CLASP1: variants seen among roughly 807,000 people sequenced by gnomAD.
CLASP1 encodes CLIP-associating protein 1.
A neutral mutation model predicts 192.3 loss-of-function variants in CLASP1; 38 were observed. The observed-to-expected ratio is 0.20, with a 90% CI of 0.15 to 0.26. The LOEUF is 0.26. CLASP1 is among the 10% of genes least tolerant of loss of function. CLASP1 has a pLI of 1.00. For synonymous variants in CLASP1, 691 were observed against 712.8 expected, an observed-to-expected ratio of 0.97 and a Z score of 0.49; for missense variants, 1,433 against 1,932.5, an observed-to-expected ratio of 0.74 and a Z score of 4.85.
chr2:121,492,272 C>A (rs1575430449), intron 8 of CLASP1, among the ~76,000 whole-genome samples: 1 of 151,350 alleles, frequency 6.6e-6, no homozygotes, highest in Non-Finnish European at 1.5e-5. Flanking sequence ...ACCTGTAGTC[C>A]CAGCTACCCG....
exon 40 of CLASP1, chr2:121,339,131 C>CCCCACACACACA (rs1553443052): frequency 1.4e-5 from 2 of 143,514 alleles, no homozygotes; most frequent in African/African-American, 5.2e-5. Context: ...ACACACAACA[C>CCCCACACACACA]CACACACACA....
At chr2:121,404,480 T>C in intron 25 of CLASP1, 46 bp from the exon 27 acceptor site, 1 of 1,519,036 alleles carries the variant, frequency 6.6e-7, no homozygotes, top group Non-Finnish European at 9.0e-7. Context: ...ACTTTTATTA[T>C]TTTTGAGACA....
At position 121,412,584 on chromosome 2, in the gene CLASP1, G is replaced by A. The variant is rs575287558; in HGVS notation, c.2321-1615C>T. Among the ~76,000 whole-genome samples, 330 of 150,282 alleles carry A rather than the reference G, an allele frequency of 2.2e-3. 1 individual carries two copies. The highest frequency in any genetic ancestry group is 6.7e-3 in the African/African-American group (273 of 40,848). On this transcript the variant is annotated intron_variant, in intron 23 of 39. Coordinates refer to ENST00000263710, the Ensembl canonical transcript of CLASP1. ...TACCCAGCATAAACTTAAATAAAAC[G>A]AAGTCTAATAAAATTTAAAAAAAAA...
intron 1 of CLASP1, among the ~76,000 whole-genome samples, chr2:121,623,005 C>T (rs1468866917): frequency 2.0e-5 from 3 of 152,090 alleles, no homozygotes; most frequent in African/African-American, 4.8e-5. Flanking sequence ...GGGTGGATCA[C>T]GTAAGCTCAG....
chr2:121,437,104 A>C (rs2082431455), intron 19 of CLASP1, among the ~76,000 whole-genome samples: 1 of 152,088 alleles, frequency 6.6e-6, no homozygotes, highest in Admixed American at 6.6e-5. Flanking sequence ...CTGGGGCTAC[A>C]GGTGTGCACC....
At chr2:121,442,771 A>C (rs1259042054) in intron 19 of CLASP1, among the ~76,000 whole-genome samples, 2 of 152,054 alleles carry the variant, frequency 1.3e-5, no homozygotes, top group East Asian at 3.8e-4. Context: ...GAGCCACTGC[A>C]CTCACCCTCT....
At chr2:121,451,309 C>T (rs756497348) in intron 15 of CLASP1, among the ~76,000 whole-genome samples, 18 of 152,204 alleles carry the variant, frequency 1.2e-4, no homozygotes, top group Middle Eastern at 3.2e-3. Context: ...CAATCTTTTA[C>T]GAACCCAAAC....
chr2:121,568,042 C>G (rs2059659417), intron 2 of CLASP1, among the ~76,000 whole-genome samples: 1 of 152,180 alleles, frequency 6.6e-6, no homozygotes, highest in Non-Finnish European at 1.5e-5. Context: ...TATACACTTT[C>G]AGGATGTCAT....
intron 25 of CLASP1, among the ~76,000 whole-genome samples, chr2:121,405,426 A>G (rs568844403): frequency 6.6e-6 from 1 of 152,338 alleles, no homozygotes; most frequent in South Asian, 2.1e-4. Context: ...AAAAGATAAA[A>G]CATTGTACCT....
intron 6 of CLASP1, among the ~76,000 whole-genome samples, chr2:121,520,464 T>A (rs1036640819): frequency 6.6e-6 from 1 of 152,186 alleles, no homozygotes; most frequent in Non-Finnish European, 1.5e-5. Context: ...AGGCTGCAAC[T>A]GTGGCAGGGC....
At position 121,342,758 on chromosome 2, in the gene CLASP1, G is replaced by A. The variant is rs146518200; in HGVS notation, c.4531-1811C>T. Among the ~76,000 whole-genome samples, 897 of 152,126 alleles carry A rather than the reference G, an allele frequency of 5.9e-3. 2 individuals carry two copies. Among genetic ancestry groups the A allele is most frequent in the Non-Finnish European group, 9.9e-3 (673 of 67,988 alleles). ...TTCAAGACCAGACTGGCAACATAGC[G>A]AGACCCTATCTCTACAAAAAATTTA... On this transcript the variant is annotated intron_variant, in intron 39 of 39. Transcript: ENST00000263710.
chr2:121,623,244 GA>G (rs1459310590), intron 1 of CLASP1, among the ~76,000 whole-genome samples: 1 of 152,104 alleles, frequency 6.6e-6, no homozygotes, highest in African/African-American at 2.4e-5. Context: ...TTTTTATCAT[GA>G]AACAATGTTG....
At chr2:121,523,623 A>G (rs1271555063) in intron 6 of CLASP1, among the ~76,000 whole-genome samples, 1 of 151,362 alleles carries the variant, frequency 6.6e-6, no homozygotes, top group Non-Finnish European at 1.5e-5. Context: ...TTAACATTCC[A>G]CTCCCAATGT....
intron 26 of CLASP1, among the ~76,000 whole-genome samples, chr2:121,402,238 T>C (rs1412354348): frequency 6.6e-6 from 1 of 152,200 alleles, no homozygotes; most frequent in Non-Finnish European, 1.5e-5. Context: ...TGTATACCAA[T>C]TTCAGATATC....
chr2:121,465,075 C>A (rs1158566148), intron 9 of CLASP1, among the ~76,000 whole-genome samples: 1 of 152,124 alleles, frequency 6.6e-6, no homozygotes, highest in Non-Finnish European at 1.5e-5. Context: ...GCTGAATGGG[C>A]AAAAACTGGA....
chr2:121,561,594 A>G (rs1161432478), intron 2 of CLASP1, among the ~76,000 whole-genome samples: 8 of 152,182 alleles, frequency 5.3e-5, no homozygotes, highest in Non-Finnish European at 1.2e-4. Context: ...ACAGCTGATG[A>G]GCTTAAAAAA....
intron 6 of CLASP1, 133 bp downstream of exon 6, chr2:121,525,712 T>C: frequency 1.5e-6 from 1 of 654,274 alleles, no homozygotes; most frequent in Non-Finnish European, 2.8e-6. Context: ...TGCTAATGGG[T>C]ACTGGATCTC....
At chr2:121,534,894 C>A (rs1011621071) in intron 2 of CLASP1, among the ~76,000 whole-genome samples, 2 of 152,132 alleles carry the variant, frequency 1.3e-5, no homozygotes, top group Non-Finnish European at 2.9e-5. Context: ...TCACACAGGA[C>A]AAAGTGAAAA....
chr2:121,629,649 G>C (rs2069105596), intron 1 of CLASP1, among the ~76,000 whole-genome samples: 1 of 151,692 alleles, frequency 6.6e-6, no homozygotes. Flanking sequence ...AAATTAGCTG[G>C]GCATGGTGGC....
Sources: gnomAD v4.1 joint callset for allele counts (sites outside exome capture counted in the v4.1 genomes callset) on GRCh38, gnomAD v4.1.1 for gene constraint, MANE v1.5 for transcripts, NCBI Gene and HGNC (gene_info 2026-07-23, HGNC 2026-07-21) for gene names.